Variants in GET1 observed in about 807,000 individuals in gnomAD.
GET1 encodes the protein guided entry of tail-anchored proteins factor 1.
GET1 carries 20 observed loss-of-function variants against 22.6 expected under a neutral mutation model. That is an observed-to-expected ratio of 0.89 (90% CI 0.62 to 1.29). The LOEUF (loss-of-function observed/expected upper bound fraction) is 1.29, where lower values mean the gene tolerates loss of function less well. GET1 is among the 50% of genes most tolerant of loss of function. The probability of loss-of-function intolerance (pLI) is 0.00; values close to 1 mark genes in which losing one functional copy is unlikely to be tolerated. For missense variants in GET1, 209 were observed against 219.9 expected, an observed-to-expected ratio of 0.95 and a Z score of 0.31; for synonymous variants, 92 against 83.8, an observed-to-expected ratio of 1.10 and a Z score of -0.53.
intron 1 of GET1, chr21:39,422,727 C>A: frequency 1.9e-6 from 1 of 531,810 alleles, no homozygotes; most frequent in Non-Finnish European, 3.3e-6. Context: ...CCAGATAAAC[C>A]AGTCCAGCCA....
At chr21:39,400,829 T>C (rs779363282), downstream of GET1, among the ~76,000 whole-genome samples, 6 of 152,140 alleles carry the variant, frequency 3.9e-5, no homozygotes, top group African/African-American at 9.7e-5. Context: ...TATTGTGTAG[T>C]TTTAGCCAAT....
At chr21:39,383,807 C>T (rs941322207) in intron 1 of GET1, among the ~76,000 whole-genome samples, 8 of 152,156 alleles carry the variant, frequency 5.3e-5, no homozygotes, top group Middle Eastern at 3.4e-3. Context: ...GTGGCTCAAT[C>T]TTGGCTCACT....
intron 3 of GET1, 146 bp downstream of exon 3, chr21:39,391,982 A>C: frequency 5.9e-6 from 4 of 683,390 alleles, no homozygotes; most frequent in African/African-American, 1.8e-5. Flanking sequence ...AGCTCTAAAC[A>C]CTCTCGGTCT....
chr21:39,404,476 G>C (rs2038937814), intron 4 of GET1, among the ~76,000 whole-genome samples: 1 of 152,216 alleles, frequency 6.6e-6, no homozygotes, highest in Non-Finnish European at 1.5e-5. Context: ...GGGCACGGTG[G>C]CTCACGCCTG....
intron 4 of GET1, 72 bp from the exon 5 acceptor site, chr21:39,396,794 T>A: frequency 7.2e-7 from 1 of 1,384,818 alleles, no homozygotes; most frequent in Non-Finnish European, 1.0e-6. Context: ...TTGCTGTGAG[T>A]TAAAGACAGC....
chr21:39,417,646 TG>T (rs992345631), intron 1 of GET1, among the ~76,000 whole-genome samples: 5 of 152,222 alleles, frequency 3.3e-5, no homozygotes, highest in Admixed American at 1.3e-4. Context: ...TCCACATGGC[TG>T]GGGAGGCCTC....
intron 1 of GET1, among the ~76,000 whole-genome samples, chr21:39,419,416 T>C (rs1379762455): frequency 6.6e-6 from 1 of 151,194 alleles, no homozygotes; most frequent in East Asian, 1.9e-4. Context: ...TCCCAGCTAC[T>C]TGGGAGGCCG....
intron 1 of GET1, chr21:39,380,770 G>C (rs2037506999): frequency 8.8e-7 from 1 of 1,130,458 alleles, no homozygotes; most frequent in South Asian, 3.2e-5. Flanking sequence ...AGTTCCTAGT[G>C]CCCCGCTGTC....
intron 1 of GET1, among the ~76,000 whole-genome samples, chr21:39,427,159 T>G (rs551617553): frequency 8.5e-5 from 13 of 152,306 alleles, no homozygotes; most frequent in African/African-American, 2.9e-4. Context: ...AGGCCCTTTA[T>G]TGTCCTCCTG....
intron 1 of GET1, among the ~76,000 whole-genome samples, chr21:39,420,494 G>C (rs1248868991): frequency 8.3e-6 from 1 of 120,252 alleles, no homozygotes; most frequent in East Asian, 2.7e-4. Flanking sequence ...CTGCACTCCA[G>C]CCTGGGTGAC....
In GET1 at chr21:39,413,254, T is replaced by C. The variant is rs1397512885; in HGVS notation, c.*23+2317T>C. Among the ~76,000 whole-genome samples the C allele has an allele frequency of 7.2e-5, 11 of 152,266 alleles. No individual in the cohort carries two copies. The South Asian group carries it at 1.9e-3, about 26-fold the overall frequency. Reference sequence around the variant, plus strand: ...TTTCACTCCACCAAGAGTACACATATGTTTTCTCTCATGCCCAGGATGCCA... The same window carrying C: ...TTTCACTCCACCAAGAGTACACATACGTTTTCTCTCATGCCCAGGATGCCA... On this transcript the variant is annotated intron_variant, in intron 1 of 1. Coordinates refer to the GET1 transcript ENST00000478273.
At chr21:39,405,693 A>G (rs371039624) in intron 4 of GET1, among the ~76,000 whole-genome samples, 6 of 152,202 alleles carry the variant, frequency 3.9e-5, no homozygotes, top group African/African-American at 1.4e-4. Context: ...TTGAAGTGTT[A>G]TCATTGGCTA....
intron 4 of GET1, among the ~76,000 whole-genome samples, chr21:39,395,219 T>C (rs147162598): frequency 3.0e-3 from 460 of 152,274 alleles, no homozygotes; most frequent in African/African-American, 0.011. Context: ...CATTTAGATA[T>C]CTCATTTGCA....
At chr21:39,411,103 A>C (rs2040020778), downstream of GET1, 1 of 339,632 alleles carries the variant, frequency 2.9e-6, no homozygotes, top group Non-Finnish European at 5.8e-6. Flanking sequence ...GCTGAACAAA[A>C]GCAGCCAGAT....
At chr21:39,416,743 C>CA (rs2041238699) in intron 1 of GET1, among the ~76,000 whole-genome samples, 1 of 152,090 alleles carries the variant, frequency 6.6e-6, no homozygotes, top group Non-Finnish European at 1.5e-5. Flanking sequence ...ATAAGATACA[C>CA]ACAACATTCT....
Position 39,384,968 on chromosome 21 carries a change from G to A in GET1, c.102+4482G>A, listed in dbSNP as rs78726613. ...TACACCCACCCTGTAATCGGTAAGA[G>A]AGATGTTTGGCCTGGTCACTGGGTT... On this transcript the variant is annotated intron_variant, in intron 1 of 4. Transcript: ENST00000649170. 3.2e-3 allele frequency among the ~76,000 whole-genome samples: 488 copies of A among 152,294 alleles called. 2 individuals are homozygous for A. The highest frequency in any genetic ancestry group is 5.2e-3 in the Non-Finnish European group (353 of 68,028).
At chr21:39,423,412 T>A in intron 1 of GET1, 1 of 1,604,220 alleles carries the variant, frequency 6.2e-7, no homozygotes, top group Non-Finnish European at 8.5e-7. Flanking sequence ...ATCTCTTCTT[T>A]GGGCAATCAT....
chr21:39,423,443 G>T, intron 1 of GET1: 1 of 1,589,294 alleles, frequency 6.3e-7, no homozygotes. Context: ...GAATTAAAGA[G>T]TGATGCATTC....
rs757407880 is a variant in GET1, at chr21:39,391,842, T to C, written c.336+6T>C. On this transcript the variant is annotated splice_donor_region_variant and intron_variant, in intron 3 of 4. Coordinates refer to ENST00000649170, the MANE Select transcript of GET1 (RefSeq NM_004627.6). ...TCGCTTTCTACGTATTGCAGGTAAG[T>C]GTGCTAGAGCGTCAGCCGGGTCATT... The C allele has an allele frequency of 3.1e-6, 5 of 1,613,996 alleles. No individual in the cohort carries two copies. Among genetic ancestry groups the C allele is most frequent in the East Asian group, 2.2e-5 (1 of 44,888 alleles).
Sources: allele counts gnomAD v4.1 joint callset (sites outside exome capture counted in the v4.1 genomes callset), GRCh38; gene constraint gnomAD v4.1.1; transcripts MANE v1.5; gene names NCBI Gene and HGNC (gene_info 2026-07-23, HGNC 2026-07-21).